ALOX5: variants seen among roughly 807,000 people sequenced by gnomAD.
ALOX5 encodes polyunsaturated fatty acid 5-lipoxygenase.
In ALOX5, 64 loss-of-function variants were observed where a neutral mutation model predicts 87.9. That is an observed-to-expected ratio of 0.73 (90% confidence interval 0.60 to 0.90). The LOEUF is 0.90. Ranked by LOEUF, ALOX5 falls within the 40% of genes least tolerant of loss-of-function variation. The probability of loss-of-function intolerance (pLI) is 0.00; values close to 1 mark genes in which losing one functional copy is unlikely to be tolerated. For missense variants in ALOX5, 822 were observed against 907.5 expected, an observed-to-expected ratio of 0.91 and a Z score of 1.21; for synonymous variants, 388 against 355.1, an observed-to-expected ratio of 1.09 and a Z score of -1.04.
chr10:45,428,783 C>T lies in ALOX5; in HGVS notation c.981+19C>T. The T allele has an allele frequency of 6.2e-7, 1 of 1,613,260 alleles. No homozygotes were observed. Among genetic ancestry groups the T allele is most frequent in the Non-Finnish European group, 8.5e-7 (1 of 1,179,890 alleles). On this transcript the variant is annotated intron_variant, in intron 7 of 13. Coordinates refer to ENST00000374391, the MANE Select transcript of ALOX5 (RefSeq NM_000698.5). ...CATCCAGGTAGGCTGCTGGGGGGCA[C>T]ACCTTTCTGAGCAGCTCAGTCCTCT...
At chr10:45,402,388 C>T (rs977497120) in intron 3 of ALOX5, among the ~76,000 whole-genome samples, 24 of 152,112 alleles carry the variant, frequency 1.6e-4, no homozygotes, top group Admixed American at 1.3e-4. Flanking sequence ...AACAGCCACA[C>T]GTATGTGGGT....
intron 2 of ALOX5, among the ~76,000 whole-genome samples, chr10:45,391,976 C>T (rs565007765): frequency 1.5e-4 from 23 of 151,850 alleles, no homozygotes; most frequent in African/African-American, 4.6e-4. Flanking sequence ...CCACCCTGTC[C>T]GGGAGGGAGG....
chr10:45,428,611 C>T lies in ALOX5; in HGVS notation c.835-7C>T, dbSNP rs1287583829. 4 of 1,613,936 alleles carry T rather than the reference C, an allele frequency of 2.5e-6. No homozygotes were observed. Among genetic ancestry groups the T allele is most frequent in the Non-Finnish European group, 3.4e-6 (4 of 1,180,006 alleles). ...CTGATTTGGACACATCTCTCTGCCTCCTGCAGCAAGGGAACATTTTCATCG... is the reference window on the plus strand; with the variant it reads ...CTGATTTGGACACATCTCTCTGCCTTCTGCAGCAAGGGAACATTTTCATCG... On this transcript the variant is annotated splice_polypyrimidine_tract_variant and splice_region_variant and intron_variant, in intron 6 of 13. Coordinates refer to ENST00000374391, the MANE Select transcript of ALOX5 (RefSeq NM_000698.5).
At chr10:45,391,112 CTCTCTT>C (rs1840226649) in intron 2 of ALOX5, among the ~76,000 whole-genome samples, 1 of 133,034 alleles carries the variant, frequency 7.5e-6, no homozygotes, top group African/African-American at 2.9e-5. Flanking sequence ...CTCCCTCTCC[CTCTCTT>C]TCCACGGTCT....
chr10:45,389,225 C>T (rs1177643998), intron 2 of ALOX5, among the ~76,000 whole-genome samples: 1 of 152,094 alleles, frequency 6.6e-6, no homozygotes, highest in Non-Finnish European at 1.5e-5. Flanking sequence ...GATTGGTGTA[C>T]CTGAAAGTGA....
rs1842187706 is a variant in ALOX5 at position 45,440,300 on chromosome 10, C to A, written c.982-130C>A. 6 of 980,224 alleles carry A rather than the reference C, an allele frequency of 6.1e-6. No individual in the cohort carries two copies. In the South Asian group the frequency reaches 9.6e-5, roughly 16 times the overall value. 60.7% of individuals were successfully genotyped at this position (980,224 alleles called of 1,614,324 possible). A position where few individuals can be genotyped will look rare whatever the true frequency, so the allele number is the denominator to read the frequency against. ...CGCAGGGCCCTTTACCCCCTCCAGG[C>A]TCTTCTGATTCCAAAGTCACTGTTA... On this transcript the variant is annotated intron_variant, in intron 7 of 13. Coordinates refer to ENST00000374391, the MANE Select transcript of ALOX5 (RefSeq NM_000698.5).
chr10:45,409,565 C>T (rs1840996662), intron 3 of ALOX5, among the ~76,000 whole-genome samples: 1 of 149,874 alleles, frequency 6.7e-6, no homozygotes, highest in African/African-American at 2.5e-5. Context: ...TTCTCTCTCT[C>T]TCTTTCTCTC....
chr10:45,419,232 A>G (rs1424022052), intron 4 of ALOX5, among the ~76,000 whole-genome samples: 2 of 152,228 alleles, frequency 1.3e-5, no homozygotes, highest in Non-Finnish European at 2.9e-5. Flanking sequence ...AGAGGCAGGG[A>G]GGCCGGGCGA....
intron 1 of ALOX5, among the ~76,000 whole-genome samples, chr10:45,376,931 G>A (rs937986476): frequency 2.0e-5 from 3 of 152,198 alleles, no homozygotes; most frequent in South Asian, 2.1e-4. Context: ...TGTTTCCAGA[G>A]GCTAACCCAA....
At position 45,443,167 on chromosome 10, in the gene ALOX5, T is replaced by C; in HGVS notation, c.1402T>C (p.Tyr468His). ...RGMESKEDIP[Y>H]YFYRDDGLLV... Reference sequence around the variant, plus strand: ...CATGGAGAGCAAAGAAGACATCCCCTACTACTTCTACCGGGACGACGGGCT... The same window carrying C: ...CATGGAGAGCAAAGAAGACATCCCCCACTACTTCTACCGGGACGACGGGCT... Residue 468 changes from tyrosine to histidine, a missense_variant, in exon 10 of 14, where the codon TAC becomes CAC. By Grantham distance (83) the Tyr-to-His change is moderately conservative. Coordinates refer to ENST00000374391, the MANE Select transcript of ALOX5 (RefSeq NM_000698.5). 6.2e-7 allele frequency: 1 copy of C among 1,613,746 alleles called. No individual in the cohort carries two copies. The highest frequency in any genetic ancestry group is 1.6e-4 in the Middle Eastern group (1 of 6,062).
chr10:45,423,698 TG>T (rs1841589514), intron 4 of ALOX5, among the ~76,000 whole-genome samples: 1 of 152,234 alleles, frequency 6.6e-6, no homozygotes, highest in South Asian at 2.1e-4. Flanking sequence ...GTAGAGCAGC[TG>T]GATCTCTGTT....
At chr10:45,444,962 A>C (rs1045913697) in intron 13 of ALOX5, 1 of 154,584 alleles carries the variant, frequency 6.5e-6, no homozygotes, top group East Asian at 1.9e-4. Context: ...TTTCCAGCTC[A>C]GAAGCTTTGT....
chr10:45,433,744 A>G (rs1394454494), intron 7 of ALOX5, among the ~76,000 whole-genome samples: 2 of 152,244 alleles, frequency 1.3e-5, no homozygotes, highest in Non-Finnish European at 2.9e-5. Flanking sequence ...GAGAAGTTTC[A>G]TTTAAAAATT....
chr10:45,403,020 G>T (rs1479672450), intron 3 of ALOX5, among the ~76,000 whole-genome samples: 1 of 152,158 alleles, frequency 6.6e-6, no homozygotes, highest in Non-Finnish European at 1.5e-5. Flanking sequence ...GATCCAGAGG[G>T]CTGGGAACAC....
At chr10:45,414,841 T>C (rs546756441) in intron 4 of ALOX5, among the ~76,000 whole-genome samples, 1 of 152,298 alleles carries the variant, frequency 6.6e-6, no homozygotes, top group African/African-American at 2.4e-5. Flanking sequence ...GAAATGCTCA[T>C]CATCACTGGC....
At chr10:45,424,243 C>G (rs1196672912) in intron 5 of ALOX5, 96 bp downstream of exon 5, 1 of 1,077,542 alleles carries the variant, frequency 9.3e-7, no homozygotes, top group Non-Finnish European at 1.4e-6. Flanking sequence ...GCCTTCCTGC[C>G]TGCTGCAGCA....
At chr10:45,403,216 C>T (rs80155622) in intron 3 of ALOX5, among the ~76,000 whole-genome samples, 3,425 of 152,254 alleles carry the variant, frequency 0.022, 125 homozygotes, top group African/African-American at 0.078. Flanking sequence ...AAAATGGCAA[C>T]AACTCAATGT....
In ALOX5 at chr10:45,445,818, A is replaced by T; in HGVS notation, c.*131A>T. 9.9e-7 allele frequency: 1 copy of T among 1,011,288 alleles called. No individual in the cohort carries two copies. The highest frequency in any genetic ancestry group is 1.6e-5 in the South Asian group (1 of 63,348). The allele number at this position is 1,011,288 out of a possible 1,614,324, so 62.6% of individuals were successfully genotyped here. A position where few individuals can be genotyped will look rare whatever the true frequency, so the allele number is the denominator to read the frequency against. Reference sequence around the variant, plus strand: ...CTCCGAGGCCAGTACCTTTCCATTTATTCTTTGATCTTCAGGGAACTGCAT... The same window carrying T: ...CTCCGAGGCCAGTACCTTTCCATTTTTTCTTTGATCTTCAGGGAACTGCAT... On this transcript the variant is annotated 3_prime_UTR_variant, in exon 14 of 14. Transcript: ENST00000374391.
At chr10:45,387,491 G>A (rs1160766667) in intron 2 of ALOX5, among the ~76,000 whole-genome samples, 2 of 152,176 alleles carry the variant, frequency 1.3e-5, no homozygotes, top group African/African-American at 2.4e-5. Context: ...CAAGGGCCAC[G>A]AAATGCCTTT....
Sources: gnomAD v4.1 joint callset for allele counts (sites outside exome capture counted in the v4.1 genomes callset) on GRCh38, gnomAD v4.1.1 for gene constraint, MANE v1.5 for transcripts, NCBI Gene and HGNC (gene_info 2026-07-23, HGNC 2026-07-21) for gene names.